The following ATP2B2 variants were observed in gnomAD, a reference collection of about 807,000 sequenced individuals.
ATP2B2 encodes plasma membrane calcium-transporting ATPase 2.
ATP2B2 carries 15 observed loss-of-function variants against 120.0 expected under a neutral mutation model. The observed-to-expected ratio is 0.12, with a 90% CI of 0.08 to 0.19. ATP2B2 has a LOEUF of 0.19. ATP2B2 is among the 10% of genes least tolerant of loss of function. The probability of loss-of-function intolerance (pLI) is 1.00; values close to 1 mark genes in which losing one functional copy is unlikely to be tolerated. For synonymous variants in ATP2B2, 694 were observed against 700.3 expected (o/e 0.99, Z 0.14); for missense variants, 1,045 against 1,719.8 (o/e 0.61, Z 6.94).
intron 1 of ATP2B2, among the ~76,000 whole-genome samples, chr3:10,504,541 T>C (rs376353976): frequency 8.0e-5 from 12 of 150,248 alleles, no homozygotes; most frequent in African/African-American, 2.9e-4. Flanking sequence ...CTTGCCTGAT[T>C]GGGGCAGGCC....
At chr3:10,500,954 CT>C (rs2066360974) in intron 1 of ATP2B2, among the ~76,000 whole-genome samples, 2 of 152,342 alleles carry the variant, frequency 1.3e-5, no homozygotes, top group African/African-American at 4.8e-5. Flanking sequence ...TCACTGACCC[CT>C]CTCACAAGGG....
chr3:10,541,835 T>G (rs2067447085), intron 2 of ATP2B2, among the ~76,000 whole-genome samples: 1 of 152,192 alleles, frequency 6.6e-6, no homozygotes, highest in South Asian at 2.1e-4. Flanking sequence ...TCCTGCCTAG[T>G]TGCTGTATCA....
chr3:10,556,922 C>T (rs970132218), intron 2 of ATP2B2, among the ~76,000 whole-genome samples: 12 of 152,148 alleles, frequency 7.9e-5, no homozygotes, highest in African/African-American at 2.9e-4. Flanking sequence ...AAGTGCTTTG[C>T]CCAAGGTCAC....
At chr3:10,420,875 C>G (rs1173364503) in intron 2 of ATP2B2, among the ~76,000 whole-genome samples, 4 of 152,236 alleles carry the variant, frequency 2.6e-5, no homozygotes, top group Middle Eastern at 3.2e-3. Context: ...ATATGAATGC[C>G]TAAGCCCCAA....
At chr3:10,471,202 G>A (rs150349875) in intron 1 of ATP2B2, among the ~76,000 whole-genome samples, 7 of 152,300 alleles carry the variant, frequency 4.6e-5, no homozygotes, top group Admixed American at 3.3e-4. Flanking sequence ...TGTCTCCAGC[G>A]CGCGGCTGTG....
intron 1 of ATP2B2, among the ~76,000 whole-genome samples, chr3:10,692,480 C>G (rs1023659658): frequency 3.9e-5 from 6 of 152,162 alleles, no homozygotes; most frequent in African/African-American, 1.2e-4. Context: ...ATCACAGTAG[C>G]TACTGGATGC....
chr3:10,635,652 T>C lies in ATP2B2; in HGVS notation c.-459-15691A>G, dbSNP rs2070002423. On this transcript the variant is annotated intron_variant, in intron 1 of 21. Transcript: ENST00000646379. The surrounding 1 kb of genome is among the most constrained non-coding windows in gnomAD (Gnocchi z 4.3). Reference sequence around the variant, plus strand: ...TTCCACTAGCACCTCCCAGGTAGCATTTTGCACGCGACAAGGACGCAGCAT... The same window carrying C: ...TTCCACTAGCACCTCCCAGGTAGCACTTTGCACGCGACAAGGACGCAGCAT... Among the ~76,000 whole-genome samples the C allele has an allele frequency of 6.6e-6, 1 of 152,178 alleles. No individual in the cohort carries two copies. The highest frequency in any genetic ancestry group is 2.4e-5 in the African/African-American group (1 of 41,436).
chr3:10,336,032 A>T, intron 22 of ATP2B2: 1 of 1,406,072 alleles, frequency 7.1e-7, no homozygotes, highest in Non-Finnish European at 9.6e-7. Flanking sequence ...CCTGATTGTG[A>T]CCGGCTGCCC....
intron 1 of ATP2B2, among the ~76,000 whole-genome samples, chr3:10,466,411 A>C (rs1336233962): frequency 6.6e-6 from 1 of 152,160 alleles, no homozygotes; most frequent in East Asian, 1.9e-4. Flanking sequence ...TGAGGTGTGC[A>C]GAAAGCATGT....
At chr3:10,539,626 C>G (rs2067390165) in intron 2 of ATP2B2, among the ~76,000 whole-genome samples, 1 of 152,186 alleles carries the variant, frequency 6.6e-6, no homozygotes, top group Non-Finnish European at 1.5e-5. Flanking sequence ...AAAGGATCCC[C>G]TATTTAATAA....
intron 1 of ATP2B2, among the ~76,000 whole-genome samples, chr3:10,487,335 G>T (rs2065727366): frequency 2.0e-5 from 3 of 152,014 alleles, no homozygotes; most frequent in Admixed American, 1.3e-4. Flanking sequence ...TGAGACCAAA[G>T]AACAAAAACC....
intron 2 of ATP2B2, among the ~76,000 whole-genome samples, chr3:10,448,018 C>CT (rs1409141204): frequency 1.3e-5 from 2 of 152,248 alleles, no homozygotes; most frequent in Non-Finnish European, 2.9e-5. Context: ...CTGGGAGCTG[C>CT]TGGGTGTAGT....
intron 10 of ATP2B2, among the ~76,000 whole-genome samples, chr3:10,377,844 C>T (rs1007385008): frequency 1.3e-5 from 2 of 152,266 alleles, no homozygotes; most frequent in Non-Finnish European, 2.9e-5. Context: ...CCAGCTGCTG[C>T]ACCTGCCAAG....
intron 3 of ATP2B2, among the ~76,000 whole-genome samples, chr3:10,525,339 T>C (rs918700086): frequency 6.6e-6 from 1 of 152,226 alleles, no homozygotes; most frequent in African/African-American, 2.4e-5. Context: ...TCAGTTTCCT[T>C]ATCTGTACAA....
chr3:10,508,077 G>A (rs1437916018), upstream of ATP2B2, among the ~76,000 whole-genome samples: 1 of 152,122 alleles, frequency 6.6e-6, no homozygotes, highest in East Asian at 1.9e-4. Flanking sequence ...AGGCAGTTGT[G>A]GATTTTGGTT....
At position 10,380,653 on chromosome 3, in the gene ATP2B2, G is replaced by A. The variant is rs111896523; in HGVS notation, c.1001-1369C>T. Among the ~76,000 whole-genome samples the A allele has an allele frequency of 9.2e-4, 140 of 152,316 alleles. 1 individual carries two copies. Among genetic ancestry groups the A allele is most frequent in the African/African-American group, 1.9e-3 (80 of 41,584 alleles). On this transcript the variant is annotated intron_variant, in intron 8 of 22. Coordinates refer to ENST00000360273, the MANE Select transcript of ATP2B2 (RefSeq NM_001001331.4). The stretch of plus-strand genomic sequence containing the variant: ...TGCCATTGCTTCTCCAGAAGCTGCC[G>A]TCAGGGAGACCATGGACACCCCTCA...
intron 2 of ATP2B2, among the ~76,000 whole-genome samples, chr3:10,420,572 T>C (rs2062942030): frequency 6.6e-6 from 1 of 152,132 alleles, no homozygotes; most frequent in African/African-American, 2.4e-5. Flanking sequence ...ATGTTGGCCA[T>C]GCTGGTCTAG....
At chr3:10,500,105 T>C (rs1403354589) in intron 1 of ATP2B2, among the ~76,000 whole-genome samples, 1 of 151,860 alleles carries the variant, frequency 6.6e-6, no homozygotes, top group African/African-American at 2.4e-5. Flanking sequence ...CGGCTAACTT[T>C]TTTTGTATTT....
chr3:10,649,086 T>C (rs1208653205), intron 1 of ATP2B2, among the ~76,000 whole-genome samples: 1 of 152,238 alleles, frequency 6.6e-6, no homozygotes, highest in East Asian at 1.9e-4. Context: ...TTTTTTATTA[T>C]TATTATTTAT....
Sources: gnomAD v4.1 joint callset for allele counts (sites outside exome capture counted in the v4.1 genomes callset) on GRCh38, gnomAD v4.1.1 for gene constraint, Gnocchi (gnomAD v3.1) non-coding constraint, MANE v1.5 for transcripts, NCBI Gene and HGNC (gene_info 2026-07-23, HGNC 2026-07-21) for gene names.